Variants in LRRK2 observed in about 807,000 individuals in gnomAD.
LRRK2 encodes leucine rich repeat kinase 2, also known as leucine-rich repeat serine/threonine-protein kinase 2.
Under a neutral mutation model 302.6 loss-of-function variants are expected in LRRK2, and 203 were observed. The observed-to-expected ratio is 0.67, with a 90% CI of 0.60 to 0.75. LRRK2 has a LOEUF of 0.75. Ranked by LOEUF, LRRK2 falls within the 30% of genes least tolerant of loss-of-function variation. The pLI, the probability that LRRK2 is intolerant of heterozygous loss-of-function variation, is 0.00. For synonymous variants in LRRK2, 1,066 were observed against 1,031.9 expected (o/e 1.03, Z -0.63); for missense variants, 2,830 against 2,951.0 (o/e 0.96, Z 0.95).
rs548832364 is a variant in LRRK2, at chr12:40,264,001, T to G, written c.1656+100T>G. The G allele has an allele frequency of 6.1e-4, 504 of 821,828 alleles. 6 individuals carry two copies. The highest frequency in any genetic ancestry group is 4.3e-3 in the South Asian group (291 of 66,952). The allele number at this position is 821,828 out of a possible 1,614,324, so 50.9% of individuals were successfully genotyped here. On this transcript the variant is annotated intron_variant, in intron 14 of 50. Coordinates refer to ENST00000298910, the MANE Select transcript of LRRK2 (RefSeq NM_198578.4). ...TCAGTCTAAGTTTTCTGTTCTCCGT[T>G]TGCTATGATAGGAGGAAGTCATGTG... is the stretch of plus-strand genomic sequence containing the variant.
At chr12:40,299,816 A>G (rs1334026286) in intron 25 of LRRK2, among the ~76,000 whole-genome samples, 1 of 152,100 alleles carries the variant, frequency 6.6e-6, no homozygotes, top group African/African-American at 2.4e-5. Context: ...TAATAGGGGA[A>G]AATGTGTGTG....
intron 49 of LRRK2, 49 bp from the exon 50 acceptor site, chr12:40,366,957 T>C (rs1946897092): frequency 3.5e-6 from 5 of 1,424,756 alleles, no homozygotes; most frequent in Non-Finnish European, 4.9e-6. Context: ...TTCAGGCCAG[T>C]TTAATATATA....
chr12:40,274,605 A>G lies in LRRK2; in HGVS notation c.1679A>G (p.Gln560Arg). The change falls in exon 15 of 51, where the codon CAG becomes CGG. Residue 560 changes from glutamine (Q) to arginine (R), a missense_variant. Around this residue, in one of 3 missense-constraint regions of LRRK2, gnomAD observed 2,121 missense variants for 2,148.0 expected, o/e 0.99. Coordinates refer to ENST00000298910, the MANE Select transcript of LRRK2 (RefSeq NM_198578.4). Reference protein sequence around the residue: ...LNRFIGNPGIQKCGLKVISSI... With the variant: ...LNRFIGNPGIRKCGLKVISSI... ...TAGTTCATTGGAAATCCTGGGATTC[A>G]GAAATGTGGATTAAAAGTAATTTCT... 1 of 1,613,890 alleles carries G rather than the reference A, an allele frequency of 6.2e-7. No homozygotes were observed.
At chr12:40,274,281 C>T (rs1488327687) in intron 14 of LRRK2, among the ~76,000 whole-genome samples, 1 of 151,970 alleles carries the variant, frequency 6.6e-6, no homozygotes, top group South Asian at 2.1e-4. Flanking sequence ...TCATTCTAAC[C>T]CTCAGTGAAT....
intron 2 of LRRK2, among the ~76,000 whole-genome samples, chr12:40,228,955 C>T (rs1199565957): frequency 1.3e-5 from 2 of 152,212 alleles, no homozygotes; most frequent in African/African-American, 4.8e-5. Context: ...AGTCTTCTCA[C>T]ACCTTCAAAA....
At chr12:40,293,470 C>T (rs1015518987) in intron 20 of LRRK2, 75 bp from the exon 21 acceptor site, 12 of 905,180 alleles carry the variant, frequency 1.3e-5, no homozygotes, top group Non-Finnish European at 2.1e-5. Flanking sequence ...CATGATTGAA[C>T]TATGATAGAA....
At chr12:40,343,143 C>T (rs944241219) in intron 41 of LRRK2, among the ~76,000 whole-genome samples, 2 of 152,208 alleles carry the variant, frequency 1.3e-5, no homozygotes, top group African/African-American at 4.8e-5. Flanking sequence ...GACGCAGAGA[C>T]AGAAACAATG....
chr12:40,317,367 A>G (rs2136867006), intron 33 of LRRK2, among the ~76,000 whole-genome samples: 1 of 152,238 alleles, frequency 6.6e-6, no homozygotes, highest in Admixed American at 6.6e-5. Context: ...TGAAATCTCT[A>G]AATAATCAAG....
chr12:40,248,392 A>G (rs1469821404), intron 7 of LRRK2, among the ~76,000 whole-genome samples: 1 of 152,180 alleles, frequency 6.6e-6, no homozygotes, highest in Non-Finnish European at 1.5e-5. Flanking sequence ...GGCAACTGTC[A>G]TGTCATATGT....
At position 40,251,320 on chromosome 12, in the gene LRRK2, G is replaced by T. The variant is rs1220420397; in HGVS notation, c.1047G>T (p.Trp349Cys). The change falls in exon 9 of 51, where the codon TGG becomes TGT. Residue 349 changes from tryptophan to cysteine, a missense_variant. Physicochemically the swap from Trp to Cys is radical, Grantham distance 215 (BLOSUM62 -2). Around this residue, in one of 3 missense-constraint regions of LRRK2, gnomAD observed 2,121 missense variants for 2,148.0 expected, o/e 0.99. Transcript: ENST00000298910. ...DDEGEEDKLF[W>C]LEACYKALTW... ...AGGGGGAAGAAGATAAATTGTTTTG[G>T]CTGGAAGCCTGTTACAAAGCATTAA... The T allele has an allele frequency of 6.2e-7, 1 of 1,613,702 alleles. No homozygotes were observed. Among genetic ancestry groups the T allele is most frequent in the South Asian group, 1.1e-5 (1 of 91,046 alleles).
At chr12:40,306,195 T>C (rs1592262692) in intron 28 of LRRK2, among the ~76,000 whole-genome samples, 1 of 152,198 alleles carries the variant, frequency 6.6e-6, no homozygotes, top group African/African-American at 2.4e-5. Flanking sequence ...CGGCTTCTCC[T>C]CCTTCTGTTT....
chr12:40,235,489 C>A lies in LRRK2; in HGVS notation c.348-137C>A. 5.9e-6 allele frequency: 4 copies of A among 672,660 alleles called. No individual in the cohort carries two copies. In the South Asian group the frequency reaches 6.4e-5, roughly 11 times the overall value. 41.7% of individuals were successfully genotyped at this position (672,660 alleles called of 1,614,324 possible). On this transcript the variant is annotated intron_variant, in intron 3 of 50. Transcript: ENST00000298910. Reference sequence around the variant, plus strand: ...AGACCCTGTCTCTAAAAGCAGGCAACAAAAACACATGAGCTTCACTACAGG... The same window carrying A: ...AGACCCTGTCTCTAAAAGCAGGCAAAAAAAACACATGAGCTTCACTACAGG...
intron 11 of LRRK2, 85 bp from the exon 12 acceptor site, chr12:40,257,163 T>A: frequency 1.0e-6 from 1 of 965,344 alleles, no homozygotes; most frequent in Non-Finnish European, 1.6e-6. Flanking sequence ...CCTGTAAATT[T>A]GGACTATATT....
intron 47 of LRRK2, among the ~76,000 whole-genome samples, chr12:40,360,608 A>G (rs561137898): frequency 6.6e-6 from 1 of 152,206 alleles, no homozygotes; most frequent in South Asian, 2.1e-4. Context: ...TCTAAAATGT[A>G]CATCAATCTG....
intron 27 of LRRK2, chr12:40,304,393 T>G (rs1944737642): frequency 1.8e-6 from 1 of 554,118 alleles, no homozygotes; most frequent in Admixed American, 3.5e-5. Flanking sequence ...AATAAGGTAG[T>G]AGCCTTAATA....
In LRRK2 at chr12:40,295,613, C is replaced by T. The variant is rs1212918075; in HGVS notation, c.3065C>T (p.Ala1022Val). 1 of 1,613,968 alleles carries T rather than the reference C, an allele frequency of 6.2e-7. No individual in the cohort carries two copies. Among genetic ancestry groups the T allele is most frequent in the Non-Finnish European group, 8.5e-7 (1 of 1,179,948 alleles). ...GAAAAGCTGGAGCTTCACCAGAATG[C>T]ACTCACGAGCTTTCCACAACAGCTA... Reference protein sequence around the residue: ...HLEKLELHQNALTSFPQQLCE... With the variant: ...HLEKLELHQNVLTSFPQQLCE... The change falls in exon 23 of 51, where the codon GCA becomes GTA. Residue 1022 changes from alanine (A) to valine (V), a missense_variant. By Grantham distance (64) the Ala-to-Val change is moderately conservative (BLOSUM62 0). This residue lies in a region of LRRK2 where 2,121 missense variants were observed against 2,148.0 expected (regional missense o/e 0.99). Transcript: ENST00000298910.
At position 40,240,534 on chromosome 12, in the gene LRRK2, T is replaced by A. The variant is rs1198637159; in HGVS notation, c.623T>A (p.Leu208Ter). 3.7e-6 allele frequency: 6 copies of A among 1,613,216 alleles called. No individual in the cohort carries two copies. The highest frequency in any genetic ancestry group is 5.1e-6 in the Non-Finnish European group (6 of 1,179,554). Residue 208 changes from leucine to a stop codon, truncating the protein, a stop_gained, in exon 6 of 51, where the codon TTG (leucine) becomes TAG (stop). Transcript: ENST00000298910. LOFTEE classifies it high-confidence loss of function. ...GTTGAGAACAAAGATTATATGATAT[T>A]GTTAAGTGCGTTAACAAATTTTAAA... ...EFVENKDYMI[L>*]LSALTNFKDE...
chr12:40,286,962 A>C (rs1410775200), intron 19 of LRRK2, among the ~76,000 whole-genome samples: 1 of 151,934 alleles, frequency 6.6e-6, no homozygotes, highest in Non-Finnish European at 1.5e-5. Flanking sequence ...CTTTTTCATC[A>C]CCATATACTG....
intron 6 of LRRK2, among the ~76,000 whole-genome samples, chr12:40,242,442 A>C (rs1230740816): frequency 6.6e-6 from 1 of 151,898 alleles, no homozygotes; most frequent in Non-Finnish European, 1.5e-5. Context: ...TTTCTGGTAG[A>C]GTCTTTCTTT....
Sources: allele counts gnomAD v4.1 joint callset (sites outside exome capture counted in the v4.1 genomes callset), GRCh38; gene constraint gnomAD v4.1.1; regional missense constraint gnomAD v4.1.1; transcripts MANE v1.5; gene names NCBI Gene and HGNC (gene_info 2026-07-23, HGNC 2026-07-21).